The following SNAP25 variants were observed in gnomAD, a reference collection of about 807,000 sequenced individuals.
SNAP25 encodes the protein synaptosome associated protein 25, also known as synaptosomal-associated protein 25.
Under a neutral mutation model 28.7 loss-of-function variants are expected in SNAP25, and 3 were observed. That is an observed-to-expected ratio of 0.10 (90% CI 0.05 to 0.27). The LOEUF (loss-of-function observed/expected upper bound fraction) is 0.27, where lower values mean the gene tolerates loss of function less well. Ranked by LOEUF, SNAP25 falls within the 10% of genes least tolerant of loss-of-function variation. SNAP25 has a pLI of 1.00. For missense variants in SNAP25, 117 were observed against 278.7 expected (o/e 0.42, Z 4.13); for synonymous variants, 61 against 88.1 (o/e 0.69, Z 1.72).
chr20:10,253,458 C>T (rs909201988), intron 1 of SNAP25, among the ~76,000 whole-genome samples: 5 of 152,176 alleles, frequency 3.3e-5, no homozygotes, highest in African/African-American at 1.2e-4. Flanking sequence ...GGTTTCCTAT[C>T]TATAAAATGG....
chr20:10,281,601 CA>C (rs2063778873), intron 3 of SNAP25, among the ~76,000 whole-genome samples: 1 of 152,190 alleles, frequency 6.6e-6, no homozygotes, highest in African/African-American at 2.4e-5. Flanking sequence ...TTGAGACACA[CA>C]GGTATAAACG....
intron 1 of SNAP25, among the ~76,000 whole-genome samples, chr20:10,222,605 T>C (rs2062654496): frequency 6.6e-6 from 1 of 152,236 alleles, no homozygotes; most frequent in South Asian, 2.1e-4. Flanking sequence ...TTTGGTACTT[T>C]ATCCTCTAAA....
At chr20:10,241,602 G>A (rs1317241649) in intron 1 of SNAP25, among the ~76,000 whole-genome samples, 1 of 152,080 alleles carries the variant, frequency 6.6e-6, no homozygotes, top group Non-Finnish European at 1.5e-5. Flanking sequence ...AGAGAGACGG[G>A]TCAGGGAAGG....
chr20:10,255,403 G>T (rs2063302762), intron 1 of SNAP25, among the ~76,000 whole-genome samples: 2 of 152,022 alleles, frequency 1.3e-5, no homozygotes, highest in African/African-American at 4.8e-5. Flanking sequence ...GGTGGGAGAG[G>T]GTGAATGGGT....
intron 7 of SNAP25, 84 bp downstream of exon 7, chr20:10,299,496 C>G: frequency 7.2e-7 from 1 of 1,386,824 alleles, no homozygotes; most frequent in South Asian, 1.5e-5. Flanking sequence ...TAACAAGATC[C>G]TCAAAACACG....
At chr20:10,234,416 C>A (rs976997819) in intron 1 of SNAP25, among the ~76,000 whole-genome samples, 6 of 152,168 alleles carry the variant, frequency 3.9e-5, no homozygotes, top group African/African-American at 1.4e-4. Context: ...TTAATACTAC[C>A]CACAAATTTA....
intron 1 of SNAP25, among the ~76,000 whole-genome samples, chr20:10,259,865 T>G (rs1600703486): frequency 6.6e-6 from 1 of 152,156 alleles, no homozygotes; most frequent in Admixed American, 6.5e-5. Context: ...GTGACCTGGG[T>G]TTGTGTCATC....
intron 3 of SNAP25, among the ~76,000 whole-genome samples, chr20:10,280,586 C>T (rs2063762795): frequency 6.6e-6 from 1 of 152,134 alleles, no homozygotes. Context: ...ATTAAGGTAT[C>T]CTCGAGGAGG....
chr20:10,226,024 A>C (rs2062729208), intron 1 of SNAP25, among the ~76,000 whole-genome samples: 1 of 152,172 alleles, frequency 6.6e-6, no homozygotes, highest in South Asian at 2.1e-4. Flanking sequence ...CTTTCCATGA[A>C]GAGTCTCAGA....
intron 1 of SNAP25, among the ~76,000 whole-genome samples, chr20:10,249,238 T>G (rs1174441087): frequency 6.6e-6 from 1 of 152,216 alleles, no homozygotes; most frequent in Non-Finnish European, 1.5e-5. Flanking sequence ...CGCATTTGTT[T>G]GCTCATTCAT....
intron 4 of SNAP25, chr20:10,292,736 C>A: frequency 1.7e-6 from 1 of 602,002 alleles, no homozygotes; most frequent in East Asian, 2.8e-5. Context: ...TGTAGGGCAG[C>A]GGTAGCAGTC....
chr20:10,238,638 G>A (rs2062965633), intron 1 of SNAP25, among the ~76,000 whole-genome samples: 1 of 152,154 alleles, frequency 6.6e-6, no homozygotes, highest in Non-Finnish European at 1.5e-5. Context: ...GGTTGGGCGT[G>A]GTGGCTCATG....
chr20:10,272,393 A>G (rs6077713), intron 1 of SNAP25, among the ~76,000 whole-genome samples: 19,433 of 152,066 alleles, frequency 0.13, 1,393 homozygotes, highest in Admixed American at 0.19. Flanking sequence ...TCTGACATCA[A>G]TGCCTTTATC....
intron 1 of SNAP25, among the ~76,000 whole-genome samples, chr20:10,225,214 A>C (rs1293828752): frequency 6.8e-6 from 1 of 146,842 alleles, no homozygotes; most frequent in East Asian, 2.0e-4. Flanking sequence ...ACATCAAATA[A>C]ATTCACATGT....
chr20:10,231,640 A>C (rs1219587725), intron 1 of SNAP25: 1 of 152,208 alleles, frequency 6.6e-6, no homozygotes, highest in African/African-American at 2.4e-5. Context: ...GGGTAGGAAC[A>C]TTCTCATAAC....
At chr20:10,263,009 CTTTTTTTTTTTT>C (rs57690835) in intron 1 of SNAP25, among the ~76,000 whole-genome samples, 2 of 50,634 alleles carry the variant, frequency 3.9e-5, no homozygotes, top group South Asian at 1.5e-3. Flanking sequence ...CTGGGGTGCT[CTTTTTTTTTTTT>C]TTTTTTTTTT....
At chr20:10,271,673 T>G (rs2063594209) in intron 1 of SNAP25, among the ~76,000 whole-genome samples, 1 of 151,890 alleles carries the variant, frequency 6.6e-6, no homozygotes, top group Admixed American at 6.6e-5. Flanking sequence ...AATAACAACT[T>G]TGAGAGGAGA....
At chr20:10,257,833 A>G (rs2063346702) in intron 1 of SNAP25, among the ~76,000 whole-genome samples, 1 of 151,384 alleles carries the variant, frequency 6.6e-6, no homozygotes, top group Admixed American at 6.6e-5. Flanking sequence ...CAGTGAGCCA[A>G]GATCATGCCA....
chr20:10,266,066 G>C (rs545941696), intron 1 of SNAP25, among the ~76,000 whole-genome samples: 1 of 152,160 alleles, frequency 6.6e-6, no homozygotes, highest in Non-Finnish European at 1.5e-5. Flanking sequence ...ATTATGAAGA[G>C]TGTTTTGACA....
Sources: gnomAD v4.1 joint callset for allele counts (sites outside exome capture counted in the v4.1 genomes callset) on GRCh38, gnomAD v4.1.1 for gene constraint, MANE v1.5 for transcripts, NCBI Gene and HGNC (gene_info 2026-07-23, HGNC 2026-07-21) for gene names.